KCNB2: variants seen among roughly 807,000 people sequenced by gnomAD.
KCNB2 encodes the protein potassium voltage-gated channel subfamily B member 2.
In KCNB2, 15 loss-of-function variants were observed where a neutral mutation model predicts 61.5. The observed-to-expected ratio is 0.24, with a 90% CI of 0.16 to 0.38. The LOEUF is 0.38. Ranked by LOEUF, KCNB2 falls within the 10% of genes least tolerant of loss-of-function variation. The pLI, the probability that KCNB2 is intolerant of heterozygous loss-of-function variation, is 1.00. For synonymous variants in KCNB2, 457 were observed against 446.0 expected (o/e 1.02, Z -0.31); for missense variants, 828 against 1,125.2 (o/e 0.74, Z 3.78).
intron 2 of KCNB2, among the ~76,000 whole-genome samples, chr8:72,841,376 T>TTC (rs1809883655): frequency 7.0e-6 from 1 of 143,184 alleles, no homozygotes; most frequent in African/African-American, 2.7e-5. Context: ...TTTTTTCTTT[T>TTC]TTTTTTTTTT....
At chr8:72,715,086 G>C (rs943992491) in intron 2 of KCNB2, among the ~76,000 whole-genome samples, 1 of 152,110 alleles carries the variant, frequency 6.6e-6, no homozygotes, top group African/African-American at 2.4e-5. Context: ...AATGGTAAAG[G>C]GATCAATTCA....
intron 2 of KCNB2, among the ~76,000 whole-genome samples, chr8:72,659,041 A>C (rs1806337670): frequency 6.6e-6 from 1 of 152,144 alleles, no homozygotes; most frequent in African/African-American, 2.4e-5. Flanking sequence ...TTGACTTCCA[A>C]GTTTTATTAT....
At chr8:72,856,216 T>C (rs887191592) in intron 2 of KCNB2, among the ~76,000 whole-genome samples, 4 of 152,154 alleles carry the variant, frequency 2.6e-5, no homozygotes, top group African/African-American at 7.2e-5. Flanking sequence ...TTTTATATAA[T>C]GCCATATAGC....
At chr8:72,715,978 A>G (rs1396695298) in intron 2 of KCNB2, among the ~76,000 whole-genome samples, 4 of 152,194 alleles carry the variant, frequency 2.6e-5, no homozygotes, top group Non-Finnish European at 5.9e-5. Context: ...GACAAAGGGG[A>G]TATCACCACC....
At chr8:72,570,300 T>C (rs1335650905) in intron 2 of KCNB2, among the ~76,000 whole-genome samples, 1 of 152,196 alleles carries the variant, frequency 6.6e-6, no homozygotes, top group African/African-American at 2.4e-5. Context: ...GTATATTTGT[T>C]TCCACATTGT....
At chr8:72,778,127 G>A (rs1052526872) in intron 2 of KCNB2, among the ~76,000 whole-genome samples, 3 of 152,086 alleles carry the variant, frequency 2.0e-5, no homozygotes, top group Non-Finnish European at 4.4e-5. Context: ...CCTGTGGGTG[G>A]ACCATATAAC....
At chr8:72,631,974 T>C (rs1805888779) in intron 2 of KCNB2, among the ~76,000 whole-genome samples, 1 of 152,152 alleles carries the variant, frequency 6.6e-6, no homozygotes. Context: ...TGGTGGCTTA[T>C]GCTTGTAATC....
intron 1 of KCNB2, among the ~76,000 whole-genome samples, chr8:72,553,453 C>T (rs970939046): frequency 1.3e-5 from 2 of 152,072 alleles, no homozygotes; most frequent in African/African-American, 4.8e-5. Flanking sequence ...CTCCTTTTTC[C>T]CTAGTCTGAA....
intron 2 of KCNB2, among the ~76,000 whole-genome samples, chr8:72,827,429 G>T (rs1809613663): frequency 6.6e-6 from 1 of 151,758 alleles, no homozygotes; most frequent in Non-Finnish European, 1.5e-5. Flanking sequence ...CATTTCCTTA[G>T]CCATGACCTT....
chr8:72,924,745 CCAAA>C (rs1563426110), intron 2 of KCNB2, among the ~76,000 whole-genome samples: 6 of 152,194 alleles, frequency 3.9e-5, no homozygotes, highest in South Asian at 4.2e-4. Flanking sequence ...TGGTTGCTGC[CCAAA>C]CAGTCTAAAT....
chr8:72,567,665 C>T lies in KCNB2; in HGVS notation c.-70C>T. On this transcript the variant is annotated 5_prime_UTR_variant, in exon 2 of 3. Transcript: ENST00000523207. ...AGCTTTGTCAGTGGAAATGCCTGCC[C>T]CAGAGGGATATTGCTTCAGTTGACC... 9.7e-7 allele frequency: 1 copy of T among 1,032,114 alleles called. No homozygotes were observed. Among genetic ancestry groups the T allele is most frequent in the East Asian group, 2.4e-5 (1 of 41,200 alleles). 63.9% of individuals were successfully genotyped at this position (1,032,114 alleles called of 1,614,324 possible). A position where few individuals can be genotyped will look rare whatever the true frequency, so the allele number is the denominator to read the frequency against.
chr8:72,858,382 T>G (rs897600736), intron 2 of KCNB2, among the ~76,000 whole-genome samples: 2 of 152,188 alleles, frequency 1.3e-5, no homozygotes, highest in African/African-American at 2.4e-5. Flanking sequence ...AACAGCACTA[T>G]TGTAACTTTT....
chr8:72,761,139 C>A (rs10957615), intron 2 of KCNB2, among the ~76,000 whole-genome samples: 18,037 of 152,108 alleles, frequency 0.12, 1,538 homozygotes, highest in East Asian at 0.51. Flanking sequence ...GTTTAGGGAG[C>A]AAGGTCAGTC....
chr8:72,779,685 C>A (rs1009833854), intron 2 of KCNB2, among the ~76,000 whole-genome samples: 7 of 152,012 alleles, frequency 4.6e-5, no homozygotes, highest in African/African-American at 1.7e-4. Context: ...TTTTTTAAAG[C>A]AACTTGTCAA....
At chr8:72,581,973 A>G (rs532346330) in intron 2 of KCNB2, among the ~76,000 whole-genome samples, 30 of 152,294 alleles carry the variant, frequency 2.0e-4, no homozygotes, top group African/African-American at 7.2e-4. Flanking sequence ...TCTACCACTG[A>G]TGGCAGATGG....
At position 72,567,710 on chromosome 8, in the gene KCNB2, G is replaced by T; in HGVS notation, c.-25G>T. ...TTGACCTCATTTTTTAAGGACCCTGGCTCTGCGGCTTTGTCCAGTTCAAAA... is the reference window on the plus strand; with the variant it reads ...TTGACCTCATTTTTTAAGGACCCTGTCTCTGCGGCTTTGTCCAGTTCAAAA... On this transcript the variant is annotated 5_prime_UTR_variant, in exon 2 of 3. Transcript: ENST00000523207. The T allele has an allele frequency of 6.7e-7, 1 of 1,485,614 alleles. No individual in the cohort carries two copies. The highest frequency in any genetic ancestry group is 9.0e-7 in the Non-Finnish European group (1 of 1,109,622). 92.0% of individuals were successfully genotyped at this position (1,485,614 alleles called of 1,614,324 possible).
intron 2 of KCNB2, among the ~76,000 whole-genome samples, chr8:72,724,787 A>T (rs1807605229): frequency 6.6e-6 from 1 of 152,196 alleles, no homozygotes; most frequent in Non-Finnish European, 1.5e-5. Flanking sequence ...AAATTAAAGC[A>T]ATTTCCTGAG....
chr8:72,840,585 T>G (rs764645255), intron 2 of KCNB2, among the ~76,000 whole-genome samples: 6 of 152,256 alleles, frequency 3.9e-5, no homozygotes, highest in African/African-American at 1.4e-4. Context: ...TCCTGACTTT[T>G]TAATGATCGC....
intron 2 of KCNB2, among the ~76,000 whole-genome samples, chr8:72,611,127 A>G (rs1005608197): frequency 2.0e-5 from 3 of 152,150 alleles, no homozygotes; most frequent in African/African-American, 4.8e-5. Context: ...AAGAAAATCT[A>G]TGTGCTATCC....
Sources: gnomAD v4.1 joint callset for allele counts (sites outside exome capture counted in the v4.1 genomes callset) on GRCh38, gnomAD v4.1.1 for gene constraint, MANE v1.5 for transcripts, NCBI Gene and HGNC (gene_info 2026-07-23, HGNC 2026-07-21) for gene names.